FAM219A: variants seen among roughly 807,000 people sequenced by gnomAD.
The protein encoded by FAM219A is family with sequence similarity 219 member A, also known as protein FAM219A.
A neutral mutation model predicts 23.4 loss-of-function variants in FAM219A; 7 were observed. That is an observed-to-expected ratio of 0.30 (90% CI 0.17 to 0.56). The LOEUF (loss-of-function observed/expected upper bound fraction) is 0.56, where lower values mean the gene tolerates loss of function less well. FAM219A is among the 20% of genes least tolerant of loss of function. The pLI, the probability that FAM219A is intolerant of heterozygous loss-of-function variation, is 0.92. For synonymous variants in FAM219A, 93 were observed against 99.0 expected, an observed-to-expected ratio of 0.94 and a Z score of 0.36; for missense variants, 166 against 246.9, an observed-to-expected ratio of 0.67 and a Z score of 2.20.
intron 1 of FAM219A, among the ~76,000 whole-genome samples, chr9:34,407,513 C>T (rs1019802032): frequency 2.6e-5 from 4 of 152,024 alleles, no homozygotes; most frequent in African/African-American, 4.8e-5. Context: ...AAACCTGGGC[C>T]GAGAGGGGAA....
At chr9:34,450,290 G>A (rs1178037686) in intron 1 of FAM219A, among the ~76,000 whole-genome samples, 1 of 147,582 alleles carries the variant, frequency 6.8e-6, no homozygotes, top group Non-Finnish European at 1.5e-5. Context: ...TCCAGCCTCG[G>A]TGACAGAGAC....
rs139942812 is a variant in FAM219A at position 34,446,308 on chromosome 9, G to C, written c.60+11896C>G. Among the ~76,000 whole-genome samples the C allele has an allele frequency of 2.3e-4, 35 of 152,320 alleles. No individual in the cohort carries two copies. In the East Asian group the frequency reaches 6.2e-3, roughly 27 times the overall value. On this transcript the variant is annotated intron_variant, in intron 1 of 5. Transcript: ENST00000651358. Reference sequence around the variant, plus strand: ...AGAGCTCACATCTCACTGAAGGATAGAAAGGGATGCATGAAGAAGATGGTG... The same window carrying C: ...AGAGCTCACATCTCACTGAAGGATACAAAGGGATGCATGAAGAAGATGGTG...
chr9:34,443,222 G>C (rs1014271964), intron 1 of FAM219A, among the ~76,000 whole-genome samples: 1 of 152,176 alleles, frequency 6.6e-6, no homozygotes, highest in Non-Finnish European at 1.5e-5. Context: ...CGTGAGCCCT[G>C]AAAATTGACC....
intron 1 of FAM219A, among the ~76,000 whole-genome samples, chr9:34,410,536 T>C (rs984641404): frequency 6.6e-6 from 1 of 152,212 alleles, no homozygotes; most frequent in Admixed American, 6.5e-5. Flanking sequence ...GAGGGTCTTG[T>C]AGTTCCTAAT....
intron 1 of FAM219A, among the ~76,000 whole-genome samples, chr9:34,432,215 T>A (rs1225753211): frequency 6.6e-6 from 1 of 152,176 alleles, no homozygotes; most frequent in African/African-American, 2.4e-5. Context: ...GGGTGTACCA[T>A]TCTTCTCCAG....
intron 1 of FAM219A, among the ~76,000 whole-genome samples, chr9:34,432,991 C>A (rs1822770496): frequency 6.6e-6 from 1 of 152,136 alleles, no homozygotes; most frequent in South Asian, 2.1e-4. Flanking sequence ...AGCCACTATG[C>A]CTGGCTTATT....
At chr9:34,413,456 T>C (rs553508586) in intron 1 of FAM219A, among the ~76,000 whole-genome samples, 1 of 152,306 alleles carries the variant, frequency 6.6e-6, no homozygotes, top group Non-Finnish European at 1.5e-5. Context: ...TGCCATTGTC[T>C]TGTGGCCTGA....
chr9:34,424,186 T>C (rs1822376273), intron 1 of FAM219A, among the ~76,000 whole-genome samples: 1 of 152,052 alleles, frequency 6.6e-6, no homozygotes, highest in Non-Finnish European at 1.5e-5. Context: ...GGCTCTTGTA[T>C]GACAAGAGAG....
chr9:34,402,609 G>A, intron 3 of FAM219A, 96 bp downstream of exon 3: 1 of 1,555,196 alleles, frequency 6.4e-7, no homozygotes, highest in South Asian at 1.2e-5. Flanking sequence ...TCAGAGAGGA[G>A]CTGGGCCTGA....
At chr9:34,432,275 C>A (rs1319812029) in intron 1 of FAM219A, among the ~76,000 whole-genome samples, 1 of 152,156 alleles carries the variant, frequency 6.6e-6, no homozygotes, top group Non-Finnish European at 1.5e-5. Context: ...CAAGCCTGCT[C>A]CTCACTGTGA....
In FAM219A at chr9:34,402,479, AT is replaced by A. The variant is rs766201017; in HGVS notation, c.264-13del. On this transcript the variant is annotated splice_polypyrimidine_tract_variant and intron_variant, in intron 3 of 5. Coordinates refer to ENST00000651358, the MANE Select transcript of FAM219A (RefSeq NM_001184940.2). Reference sequence around the variant, plus strand: ...TGGGGACGACCAGCCTAGGTGAAGAATTTCGGGAGTTAGAGTGGCAAAGTGG... The same window carrying A: ...TGGGGACGACCAGCCTAGGTGAAGAATTCGGGAGTTAGAGTGGCAAAGTGG... The A allele has an allele frequency of 1.9e-6, 3 of 1,614,056 alleles. No individual in the cohort carries two copies. In the South Asian group the frequency reaches 3.3e-5, roughly 18 times the overall value.
At chr9:34,404,778 C>G (rs1027154649) in intron 2 of FAM219A, among the ~76,000 whole-genome samples, 3 of 152,076 alleles carry the variant, frequency 2.0e-5, no homozygotes, top group African/African-American at 4.8e-5. Context: ...CAGTTTTAAT[C>G]TGATGTCCTA....
chr9:34,404,177 A>C (rs1821551494), intron 2 of FAM219A, among the ~76,000 whole-genome samples: 1 of 152,218 alleles, frequency 6.6e-6, no homozygotes. Flanking sequence ...ACTACTATAC[A>C]ACCATTTAAA....
intron 1 of FAM219A, among the ~76,000 whole-genome samples, chr9:34,439,550 GA>G (rs900972157): frequency 9.2e-5 from 14 of 152,280 alleles, no homozygotes; most frequent in Admixed American, 8.5e-4. Flanking sequence ...GAAGACTACT[GA>G]CCAAGTCTAG....
At chr9:34,402,504 G>A (rs778067592) in intron 3 of FAM219A, 37 bp from the exon 4 acceptor site, 2 of 1,613,548 alleles carry the variant, frequency 1.2e-6, no homozygotes, top group South Asian at 2.2e-5. Flanking sequence ...GTGGCAAAGT[G>A]GAGCATAGAA....
chr9:34,437,491 A>G (rs995805722), intron 1 of FAM219A, among the ~76,000 whole-genome samples: 1 of 152,192 alleles, frequency 6.6e-6, no homozygotes, highest in East Asian at 1.9e-4. Context: ...ATACCGACTT[A>G]AGAGTTGAAT....
At chr9:34,440,080 G>C (rs1251115757) in intron 1 of FAM219A, among the ~76,000 whole-genome samples, 4 of 152,182 alleles carry the variant, frequency 2.6e-5, no homozygotes, top group Non-Finnish European at 5.9e-5. Flanking sequence ...CTAGACATAA[G>C]GAGGAGTGTG....
At position 34,458,087 on chromosome 9, in the gene FAM219A, G is replaced by A; in HGVS notation, c.60+117C>T. On this transcript the variant is annotated intron_variant, in intron 1 of 5. Transcript: ENST00000651358. The surrounding 1 kb of genome is among the most constrained non-coding windows in gnomAD (Gnocchi z 6.6). ...CGTCCCCCGGCAATACGTTTTCAGG[G>A]ATCTCTTTGCCCCATCCGATGGCGC... The A allele has an allele frequency of 1.1e-6, 1 of 924,030 alleles. No individual in the cohort carries two copies. Among genetic ancestry groups the A allele is most frequent in the Non-Finnish European group, 1.5e-6 (1 of 669,086 alleles). The allele number at this position is 924,030 out of a possible 1,614,324, so 57.2% of individuals were successfully genotyped here. A position where few individuals can be genotyped will look rare whatever the true frequency, so the allele number is the denominator to read the frequency against.
At chr9:34,426,114 T>C (rs534987745) in intron 1 of FAM219A, among the ~76,000 whole-genome samples, 38 of 152,342 alleles carry the variant, frequency 2.5e-4, no homozygotes, top group African/African-American at 7.2e-4. Flanking sequence ...AAGCACAGAA[T>C]AGCCATTCAA....
Sources: gnomAD v4.1 joint callset for allele counts (sites outside exome capture counted in the v4.1 genomes callset) on GRCh38, gnomAD v4.1.1 for gene constraint, Gnocchi (gnomAD v3.1) non-coding constraint, MANE v1.5 for transcripts, NCBI Gene and HGNC (gene_info 2026-07-23, HGNC 2026-07-21) for gene names.